PTPRT: variants seen among roughly 807,000 people sequenced by gnomAD.
PTPRT encodes the protein protein tyrosine phosphatase receptor type T.
In PTPRT, 56 loss-of-function variants were observed where a neutral mutation model predicts 176.8. The observed-to-expected ratio is 0.32, with a 90% CI of 0.26 to 0.40. The LOEUF (loss-of-function observed/expected upper bound fraction) is 0.40, where lower values mean the gene tolerates loss of function less well. Ranked by LOEUF, PTPRT falls within the 10% of genes least tolerant of loss-of-function variation. The probability of loss-of-function intolerance (pLI) is 1.00; values close to 1 mark genes in which losing one functional copy is unlikely to be tolerated. For synonymous variants in PTPRT, 783 were observed against 739.0 expected, an observed-to-expected ratio of 1.06 and a Z score of -0.96; for missense variants, 1,540 against 1,908.2, an observed-to-expected ratio of 0.81 and a Z score of 3.60.
rs571946292 is a variant in PTPRT, at chr20:42,792,393, G to T, written c.215-927C>A. ...GACTCATGAAAGAAACCATGAGGGG[G>T]TAAATTTCAGTTCAGTGTACAAATA... On this transcript the variant is annotated intron_variant, in intron 2 of 30. Transcript: ENST00000373187. Among the ~76,000 whole-genome samples, 381 of 152,284 alleles carry T rather than the reference G, an allele frequency of 2.5e-3. 3 individuals carry two copies. The highest frequency in any genetic ancestry group is 8.5e-3 in the African/African-American group (352 of 41,546).
At chr20:42,931,311 C>T (rs1055383718) in intron 1 of PTPRT, among the ~76,000 whole-genome samples, 19 of 152,264 alleles carry the variant, frequency 1.2e-4, no homozygotes, top group Admixed American at 5.9e-4. Context: ...TTTGTACACA[C>T]ACACTTAGGA....
At chr20:42,231,746 A>G (rs1403466091) in intron 15 of PTPRT, among the ~76,000 whole-genome samples, 1 of 152,206 alleles carries the variant, frequency 6.6e-6, no homozygotes, top group African/African-American at 2.4e-5. Flanking sequence ...ACACTCATTC[A>G]AACACATAGC....
chr20:43,056,336 G>A (rs1987231417), intron 1 of PTPRT, among the ~76,000 whole-genome samples: 1 of 152,180 alleles, frequency 6.6e-6, no homozygotes, highest in Non-Finnish European at 1.5e-5. Context: ...TCCAGCCACA[G>A]GAATGCATCC....
intron 1 of PTPRT, among the ~76,000 whole-genome samples, chr20:43,130,034 C>A (rs1478379702): frequency 6.6e-6 from 1 of 152,044 alleles, no homozygotes; most frequent in East Asian, 1.9e-4. Context: ...CTAAGTTGAT[C>A]TACGTAACAA....
At chr20:42,265,040 C>T (rs1412959948) in intron 13 of PTPRT, among the ~76,000 whole-genome samples, 1 of 152,188 alleles carries the variant, frequency 6.6e-6, no homozygotes, top group African/African-American at 2.4e-5. Context: ...AATGATGGCA[C>T]AAGTCTAAGA....
intron 2 of PTPRT, among the ~76,000 whole-genome samples, chr20:42,881,026 A>G (rs1199443556): frequency 6.6e-6 from 1 of 152,228 alleles, no homozygotes; most frequent in Non-Finnish European, 1.5e-5. Flanking sequence ...ACACCTGCTG[A>G]GCAGCTCGCC....
rs568530118 is a variant in PTPRT, at chr20:42,118,384, G to C, written c.2982+19C>G. 1.9e-6 allele frequency: 3 copies of C among 1,590,998 alleles called. No homozygotes were observed. Among genetic ancestry groups the C allele is most frequent in the South Asian group, 2.3e-5 (2 of 88,272 alleles). On this transcript the variant is annotated intron_variant, in intron 21 of 30. Coordinates refer to ENST00000373187, the MANE Select transcript of PTPRT (RefSeq NM_007050.6). The stretch of plus-strand genomic sequence containing the variant: ...CATCTCCAGCATCCTCTGCCCAGGC[G>C]AGTGCAGGAGAGGCTTACCCTGCCC...
intron 9 of PTPRT, among the ~76,000 whole-genome samples, chr20:42,433,075 G>A (rs2059229536): frequency 6.6e-6 from 1 of 152,118 alleles, no homozygotes; most frequent in Non-Finnish European, 1.5e-5. Flanking sequence ...ACTCTGACAC[G>A]GACATGTCTG....
intron 1 of PTPRT, among the ~76,000 whole-genome samples, chr20:42,949,639 A>G (rs778465440): frequency 1.3e-5 from 2 of 152,154 alleles, no homozygotes; most frequent in African/African-American, 2.4e-5. Flanking sequence ...AACTTTTCCA[A>G]TGTGCCTGCT....
chr20:43,132,443 G>A lies in PTPRT; in HGVS notation c.88+57203C>T, dbSNP rs185753692. Among the ~76,000 whole-genome samples, 905 of 152,316 alleles carry A rather than the reference G, an allele frequency of 5.9e-3. 2 individuals are homozygous for A. Among genetic ancestry groups the A allele is most frequent in the Non-Finnish European group, 9.4e-3 (642 of 68,022 alleles). ...CCCGTAACCCTGGAGGGTTTTATCAGAGGACAAAAAGGAACTACTGAATTC... is the reference window on the plus strand; with the variant it reads ...CCCGTAACCCTGGAGGGTTTTATCAAAGGACAAAAAGGAACTACTGAATTC... On this transcript the variant is annotated intron_variant, in intron 1 of 30. Transcript: ENST00000373187.
chr20:43,057,391 G>C (rs958323934), intron 1 of PTPRT, among the ~76,000 whole-genome samples: 15 of 143,002 alleles, frequency 1.0e-4, no homozygotes, highest in Non-Finnish European at 2.1e-4. Context: ...GGGAAGGAAA[G>C]GAGGAAAAGA....
intron 1 of PTPRT, among the ~76,000 whole-genome samples, chr20:43,006,580 C>T (rs910451234): frequency 6.6e-5 from 10 of 152,092 alleles, no homozygotes; most frequent in South Asian, 2.1e-4. Flanking sequence ...CTATTCTCCC[C>T]GGGGGCTGTC....
chr20:42,678,430 AGC>A (rs1261277238), intron 6 of PTPRT, among the ~76,000 whole-genome samples: 1 of 151,906 alleles, frequency 6.6e-6, no homozygotes, highest in Non-Finnish European at 1.5e-5. Flanking sequence ...CCTCCCAAGT[AGC>A]TGGGATTACA....
chr20:42,807,531 T>C, intron 2 of PTPRT, among the ~76,000 whole-genome samples: 1 of 152,120 alleles, frequency 6.6e-6, no homozygotes, highest in South Asian at 2.1e-4. Context: ...AATCCAATGC[T>C]TTATCTACTT....
At chr20:42,378,987 C>A (rs1187639081) in intron 9 of PTPRT, among the ~76,000 whole-genome samples, 1 of 152,210 alleles carries the variant, frequency 6.6e-6, no homozygotes, top group Non-Finnish European at 1.5e-5. Flanking sequence ...AGCAAGTCTC[C>A]AAGGCAACCA....
chr20:42,183,773 A>G lies in PTPRT; in HGVS notation c.2491+15467T>C, dbSNP rs548119251. 1.6e-4 allele frequency among the ~76,000 whole-genome samples: 25 copies of G among 152,220 alleles called. 1 individual carries two copies. The South Asian group carries it at 4.6e-3, about 28-fold the overall frequency. Reference sequence around the variant, plus strand: ...CCTCTACTCCCTTAAATTTAGGCTAATATGTGACTGCTTTTAATAATGATA... The same window carrying G: ...CCTCTACTCCCTTAAATTTAGGCTAGTATGTGACTGCTTTTAATAATGATA... On this transcript the variant is annotated intron_variant, in intron 16 of 30. Coordinates refer to ENST00000373187, the MANE Select transcript of PTPRT (RefSeq NM_007050.6).
At chr20:42,405,432 A>G (rs2058951982) in intron 9 of PTPRT, among the ~76,000 whole-genome samples, 1 of 152,096 alleles carries the variant, frequency 6.6e-6, no homozygotes, top group South Asian at 2.1e-4. Flanking sequence ...TATGAGTGAG[A>G]ACATGCAGTG....
intron 16 of PTPRT, among the ~76,000 whole-genome samples, chr20:42,169,779 CACACACACACACAA>C (rs1436765692): frequency 1.0e-4 from 15 of 145,860 alleles, no homozygotes; most frequent in African/African-American, 2.5e-4. Flanking sequence ...CACACACACA[CACACACACACACAA>C]CAGTCAGTAT....
At chr20:43,052,020 A>G (rs1248877139) in intron 1 of PTPRT, among the ~76,000 whole-genome samples, 1 of 152,216 alleles carries the variant, frequency 6.6e-6, no homozygotes, top group East Asian at 1.9e-4. Context: ...AATTCCTGGA[A>G]CTACTTTTGA....
Sources: gnomAD v4.1 joint callset for allele counts (sites outside exome capture counted in the v4.1 genomes callset) on GRCh38, gnomAD v4.1.1 for gene constraint, MANE v1.5 for transcripts, NCBI Gene and HGNC (gene_info 2026-07-23, HGNC 2026-07-21) for gene names.